ZFHX4: variants seen among roughly 807,000 people sequenced by gnomAD.
ZFHX4 encodes zinc finger homeobox 4.
A neutral mutation model predicts 267.6 loss-of-function variants in ZFHX4; 56 were observed. The ratio of observed to expected loss-of-function variants is 0.21; its 90% CI spans 0.17 to 0.26. ZFHX4 has a LOEUF of 0.26. ZFHX4 is among the 10% of genes least tolerant of loss of function. ZFHX4 has a pLI of 1.00. For synonymous variants in ZFHX4, 1,778 were observed against 1,665.6 expected, an observed-to-expected ratio of 1.07 and a Z score of -1.64; for missense variants, 4,332 against 4,420.0, an observed-to-expected ratio of 0.98 and a Z score of 0.56.
At chr8:76,702,964 A>ACACG (rs1808142357) in intron 1 of ZFHX4, among the ~76,000 whole-genome samples, 1 of 89,890 alleles carries the variant, frequency 1.1e-5, no homozygotes, top group African/African-American at 6.4e-5. Context: ...CTCAGGCAAG[A>ACACG]CACACACACA....
chr8:76,717,596 T>A (rs1808610749), intron 3 of ZFHX4, among the ~76,000 whole-genome samples: 1 of 152,180 alleles, frequency 6.6e-6, no homozygotes, highest in South Asian at 2.1e-4. Context: ...AGATTTTTAT[T>A]CTTTCTTTTT....
Position 76,864,566 on chromosome 8 carries a change from GA to G in ZFHX4, c.*2del. On this transcript the variant is annotated 3_prime_UTR_variant, in exon 11 of 11. Coordinates refer to ENST00000651372, the MANE Select transcript of ZFHX4 (RefSeq NM_024721.5). ...CCGAATGGATATGTTCAGTGTGTAGGAGTGAAGACAGGATCCCGTGCTTAAA... is the reference window on the plus strand; with the variant it reads ...CCGAATGGATATGTTCAGTGTGTAGGGTGAAGACAGGATCCCGTGCTTAAA... The G allele has an allele frequency of 6.6e-7, 1 of 1,517,520 alleles. No homozygotes were observed. The highest frequency in any genetic ancestry group is 8.8e-7 in the Non-Finnish European group (1 of 1,131,734). 94.0% of individuals were successfully genotyped at this position (1,517,520 alleles called of 1,614,324 possible).
chr8:76,791,230 T>A (rs2131805905), intron 4 of ZFHX4, among the ~76,000 whole-genome samples: 1 of 152,270 alleles, frequency 6.6e-6, no homozygotes, highest in African/African-American at 2.4e-5. Flanking sequence ...TCCTACTTCA[T>A]AAATTCTCTC....
intron 3 of ZFHX4, among the ~76,000 whole-genome samples, chr8:76,764,683 A>G (rs1810006632): frequency 6.6e-6 from 1 of 152,186 alleles, no homozygotes; most frequent in South Asian, 2.1e-4. Context: ...AAAAGTGTCC[A>G]ATTCCGTACA....
chr8:76,733,936 C>T (rs902533261), intron 3 of ZFHX4, among the ~76,000 whole-genome samples: 5 of 152,102 alleles, frequency 3.3e-5, no homozygotes, highest in Non-Finnish European at 7.3e-5. Context: ...CTCATGCATG[C>T]CCCTTTGAAA....
intron 3 of ZFHX4, among the ~76,000 whole-genome samples, chr8:76,747,229 A>G (rs1809481795): frequency 6.6e-6 from 1 of 152,158 alleles, no homozygotes; most frequent in South Asian, 2.1e-4. Context: ...TGTAAACATA[A>G]CAAAAGAAAA....
Position 76,864,831 on chromosome 8 carries a change from G to T in ZFHX4, c.*266G>T. Reference sequence around the variant, plus strand: ...AATCTCACAAGTTCTTTTGGAACTTGTTTCAAGCCAAAAACTCTCAAGAAA... The same window carrying T: ...AATCTCACAAGTTCTTTTGGAACTTTTTTCAAGCCAAAAACTCTCAAGAAA... On this transcript the variant is annotated 3_prime_UTR_variant, in exon 11 of 11. Transcript: ENST00000651372. 4.1e-6 allele frequency: 1 copy of T among 243,900 alleles called. No individual in the cohort carries two copies. Among genetic ancestry groups the T allele is most frequent in the Non-Finnish European group, 7.8e-6 (1 of 127,866 alleles). The allele number at this position is 243,900 out of a possible 1,614,324, so 15.1% of individuals were successfully genotyped here. A position where few individuals can be genotyped will look rare whatever the true frequency, so the allele number is the denominator to read the frequency against.
In ZFHX4 at chr8:76,854,083, A is replaced by C; in HGVS notation, c.7162A>C (p.Ser2388Arg). ...APAASSGSGT[S>R]TPLIPSPKPE... ...TGCAGCAAGTTCTGGCTCTGGGACC[A>C]GCACCCCCCTGATTCCATCACCCAA... The change falls in exon 10 of 11, where the codon AGC becomes CGC. Residue 2388 changes from serine (S) to arginine (R), a missense_variant. Around this residue, in one of 7 missense-constraint regions of ZFHX4, gnomAD observed 1,648 missense variants for 1,625.0 expected, o/e 1.01. Coordinates refer to ENST00000651372, the MANE Select transcript of ZFHX4 (RefSeq NM_024721.5). The C allele has an allele frequency of 6.2e-7, 1 of 1,613,964 alleles. No individual in the cohort carries two copies. Among genetic ancestry groups the C allele is most frequent in the Non-Finnish European group, 8.5e-7 (1 of 1,179,876 alleles).
rs146033093 is a variant in ZFHX4, at chr8:76,725,752, A to C, written c.3093+17704A>C. 4.1e-4 allele frequency among the ~76,000 whole-genome samples: 62 copies of C among 152,278 alleles called. No homozygotes were observed. The East Asian group carries it at 0.011, about 27-fold the overall frequency. On this transcript the variant is annotated intron_variant, in intron 3 of 10. Coordinates refer to ENST00000651372, the MANE Select transcript of ZFHX4 (RefSeq NM_024721.5). ...TGAGGTTTTGTTTAAGTAAAACACA[A>C]AGTACAATATTATATGTTTCTGTGA...
intron 3 of ZFHX4, among the ~76,000 whole-genome samples, chr8:76,753,629 C>CTTTTTTT (rs962115381): frequency 1.7e-5 from 2 of 117,412 alleles, no homozygotes; most frequent in East Asian, 2.3e-4. Context: ...CGTCTTAGGC[C>CTTTTTTT]TTTTTTTTTT....
intron 3 of ZFHX4, among the ~76,000 whole-genome samples, chr8:76,722,058 C>T (rs1417577549): frequency 1.3e-5 from 2 of 151,854 alleles, no homozygotes; most frequent in African/African-American, 2.4e-5. Flanking sequence ...CAGGCCTAAT[C>T]CTATTTGTTT....
Position 76,855,447 on chromosome 8 carries a change from A to C in ZFHX4, c.8526A>C (p.Pro2842=). The part of the protein sequence containing the change: ...DVKPALSPKE[P]KTLDTLPKPA... ...AACCGGCTTTGTCTCCCAAAGAGCC[A>C]AAAACTCTGGATACTCTGCCAAAAC... The change falls in exon 10 of 11, where the codon CCA becomes CCC. Residue 2842 remains proline, a synonymous_variant. Transcript: ENST00000651372. 6.2e-7 allele frequency: 1 copy of C among 1,613,458 alleles called. No homozygotes were observed. The highest frequency in any genetic ancestry group is 8.5e-7 in the Non-Finnish European group (1 of 1,179,768).
At chr8:76,715,467 A>C (rs1356085691) in intron 3 of ZFHX4, among the ~76,000 whole-genome samples, 2 of 146,016 alleles carry the variant, frequency 1.4e-5, no homozygotes, top group Admixed American at 1.4e-4. Context: ...GGGCAACAGA[A>C]CAAGACTCCA....
At chr8:76,740,218 T>C (rs1809279144) in intron 3 of ZFHX4, among the ~76,000 whole-genome samples, 1 of 152,100 alleles carries the variant, frequency 6.6e-6, no homozygotes, top group African/African-American at 2.4e-5. Context: ...GCTTGTTTTT[T>C]ATTTGTATTC....
At chr8:76,823,544 T>C (rs1050929112) in intron 4 of ZFHX4, among the ~76,000 whole-genome samples, 1 of 152,218 alleles carries the variant, frequency 6.6e-6, no homozygotes, top group Non-Finnish European at 1.5e-5. Flanking sequence ...TAACTTTTCC[T>C]TTCCAGATTT....
intron 3 of ZFHX4, among the ~76,000 whole-genome samples, chr8:76,731,893 T>TTATTA (rs1563489794): frequency 7.0e-5 from 7 of 100,636 alleles, no homozygotes; most frequent in Non-Finnish European, 1.2e-4. Context: ...TATTATTATT[T>TTATTA]TTGAGACAGA....
chr8:76,753,018 G>A (rs756715122), intron 3 of ZFHX4, among the ~76,000 whole-genome samples: 16 of 152,176 alleles, frequency 1.1e-4, no homozygotes, highest in Non-Finnish European at 1.6e-4. Flanking sequence ...CAATGCATAT[G>A]TTCATATATG....
At chr8:76,811,308 C>T (rs893488989) in intron 4 of ZFHX4, among the ~76,000 whole-genome samples, 6 of 152,174 alleles carry the variant, frequency 3.9e-5, no homozygotes, top group East Asian at 1.9e-4. Context: ...GAAATCTTCA[C>T]GAAGGATGCA....
intron 4 of ZFHX4, among the ~76,000 whole-genome samples, chr8:76,786,681 T>C (rs1379355531): frequency 6.6e-6 from 1 of 152,190 alleles, no homozygotes; most frequent in African/African-American, 2.4e-5. Context: ...TAAGTTTTTA[T>C]GTAACATGTA....
Sources: allele counts gnomAD v4.1 joint callset (sites outside exome capture counted in the v4.1 genomes callset), GRCh38; gene constraint gnomAD v4.1.1; regional missense constraint gnomAD v4.1.1; transcripts MANE v1.5; gene names NCBI Gene and HGNC (gene_info 2026-07-23, HGNC 2026-07-21).